Variants in ZNF385D observed in about 807,000 individuals in gnomAD.
ZNF385D encodes zinc finger protein 659.
Under a neutral mutation model 35.8 loss-of-function variants are expected in ZNF385D, and 15 were observed. The ratio of observed to expected loss-of-function variants is 0.42; its 90% CI spans 0.28 to 0.64. ZNF385D has a LOEUF of 0.64. Ranked by LOEUF, ZNF385D falls within the 30% of genes least tolerant of loss-of-function variation. The probability of loss-of-function intolerance (pLI) is 0.23; values close to 1 mark genes in which losing one functional copy is unlikely to be tolerated. For missense variants in ZNF385D, 474 were observed against 494.6 expected, an observed-to-expected ratio of 0.96 and a Z score of 0.39; for synonymous variants, 212 against 186.8, an observed-to-expected ratio of 1.13 and a Z score of -1.10.
intron 3 of ZNF385D, among the ~76,000 whole-genome samples, chr3:21,835,869 T>G (rs2673529): frequency 6.6e-6 from 1 of 151,990 alleles, no homozygotes. Context: ...TATTCCATAA[T>G]CCCTCATTTG....
intron 3 of ZNF385D, among the ~76,000 whole-genome samples, chr3:21,540,575 G>A (rs1004789115): frequency 6.6e-6 from 1 of 152,188 alleles, no homozygotes; most frequent in Non-Finnish European, 1.5e-5. Context: ...CCTGTTCAGA[G>A]ACTACCTTCT....
chr3:21,765,976 G>A (rs2070813754), intron 3 of ZNF385D, among the ~76,000 whole-genome samples: 1 of 152,050 alleles, frequency 6.6e-6, no homozygotes, highest in Non-Finnish European at 1.5e-5. Context: ...AAGAGCCATG[G>A]TCAAGTATTG....
chr3:22,047,351 G>C (rs1699065764), intron 3 of ZNF385D, among the ~76,000 whole-genome samples: 1 of 151,892 alleles, frequency 6.6e-6, no homozygotes, highest in Non-Finnish European at 1.5e-5. Context: ...TAGATCTCTT[G>C]TACTTACTCC....
intron 1 of ZNF385D, among the ~76,000 whole-genome samples, chr3:21,723,526 A>G (rs1469725504): frequency 6.6e-6 from 1 of 152,200 alleles, no homozygotes; most frequent in Non-Finnish European, 1.5e-5. Flanking sequence ...CAAATAGCCG[A>G]ATTTATCAAG....
chr3:22,153,467 T>C (rs1210430271), intron 3 of ZNF385D, among the ~76,000 whole-genome samples: 24 of 145,562 alleles, frequency 1.6e-4, no homozygotes, highest in South Asian at 2.2e-4. Context: ...AATTCTTCTT[T>C]TTTTTTTTTT....
chr3:21,958,651 T>G (rs941266003), intron 3 of ZNF385D, among the ~76,000 whole-genome samples: 1 of 152,140 alleles, frequency 6.6e-6, no homozygotes, highest in Non-Finnish European at 1.5e-5. Flanking sequence ...CTAGATTCTA[T>G]CGCCAAATTC....
chr3:21,512,590 T>C (rs1274542105), intron 3 of ZNF385D, among the ~76,000 whole-genome samples: 1 of 152,178 alleles, frequency 6.6e-6, no homozygotes, highest in Non-Finnish European at 1.5e-5. Flanking sequence ...AAATTATATA[T>C]TAGAAACAGT....
At chr3:22,063,318 G>C (rs918422762) in intron 3 of ZNF385D, among the ~76,000 whole-genome samples, 6 of 151,952 alleles carry the variant, frequency 3.9e-5, no homozygotes, top group Admixed American at 6.6e-5. Context: ...TTTCATCAAT[G>C]AGAAACCAAC....
chr3:21,496,000 A>G (rs1705812109), intron 4 of ZNF385D, among the ~76,000 whole-genome samples: 1 of 152,052 alleles, frequency 6.6e-6, no homozygotes, highest in Admixed American at 6.6e-5. Flanking sequence ...TGAACAAGGA[A>G]GAAATTGAAT....
intron 2 of ZNF385D, among the ~76,000 whole-genome samples, chr3:22,221,129 GTGTT>G (rs1698230521): frequency 6.6e-6 from 1 of 151,960 alleles, no homozygotes; most frequent in African/African-American, 2.4e-5. Flanking sequence ...GAGTGTGTGT[GTGTT>G]TGTGTATCTA....
intron 2 of ZNF385D, among the ~76,000 whole-genome samples, chr3:22,295,477 A>AAT (rs11389948): frequency 6.6e-6 from 1 of 151,930 alleles, no homozygotes; most frequent in Non-Finnish European, 1.5e-5. Flanking sequence ...GAATAAAAAA[A>AAT]GTTTGCAAAG....
At chr3:22,237,863 C>T (rs920926075) in intron 2 of ZNF385D, among the ~76,000 whole-genome samples, 3 of 143,430 alleles carry the variant, frequency 2.1e-5, no homozygotes, top group Middle Eastern at 3.9e-3. Context: ...ATGATGGTCT[C>T]GATCTCCTGA....
chr3:22,127,195 T>G (rs1703482483), intron 3 of ZNF385D, among the ~76,000 whole-genome samples: 1 of 152,114 alleles, frequency 6.6e-6, no homozygotes, highest in African/African-American at 2.4e-5. Context: ...AACTAAGGAC[T>G]TACTCCTGAC....
intron 3 of ZNF385D, among the ~76,000 whole-genome samples, chr3:21,558,330 G>C (rs2062815367): frequency 6.9e-6 from 1 of 145,712 alleles, no homozygotes; most frequent in African/African-American, 2.4e-5. Context: ...CTTTAAGTGT[G>C]TCCCAGAGAT....
At chr3:22,299,878 G>A (rs1047690969) in intron 2 of ZNF385D, among the ~76,000 whole-genome samples, 1 of 151,794 alleles carries the variant, frequency 6.6e-6, no homozygotes, top group African/African-American at 2.4e-5. Flanking sequence ...TTGCTAAAAT[G>A]TTCATATACC....
chr3:22,243,872 T>C lies in ZNF385D; in HGVS notation c.107-74837A>G, dbSNP rs202056821. 9.9e-5 allele frequency among the ~76,000 whole-genome samples: 15 copies of C among 150,832 alleles called. 1 individual carries two copies. Among genetic ancestry groups the C allele is most frequent in the Admixed American group, 5.9e-4 (9 of 15,154 alleles). On this transcript the variant is annotated intron_variant, in intron 2 of 5. Coordinates refer to the ZNF385D transcript ENST00000494108. ...GCACTCCATCCAAAGTGGTATTCAATTGACAGCTGGAAATATGGCCCTTAA... is the reference window on the plus strand; with the variant it reads ...GCACTCCATCCAAAGTGGTATTCAACTGACAGCTGGAAATATGGCCCTTAA...
intron 2 of ZNF385D, among the ~76,000 whole-genome samples, chr3:21,626,622 G>T (rs1178299983): frequency 6.6e-6 from 1 of 152,072 alleles, no homozygotes; most frequent in Non-Finnish European, 1.5e-5. Context: ...CTTGGCTACT[G>T]CAGTTCATTT....
intron 4 of ZNF385D, among the ~76,000 whole-genome samples, chr3:21,506,961 T>TCAGA (rs1706811808): frequency 1.5e-5 from 1 of 64,988 alleles, no homozygotes; most frequent in Non-Finnish European, 3.0e-5. Flanking sequence ...ACTGGCATAA[T>TCAGA]TAGAGAAAAA....
In ZNF385D at chr3:21,583,032, C is replaced by G. The variant is rs529202634; in HGVS notation, c.166-18348G>C. 2.0e-4 allele frequency among the ~76,000 whole-genome samples: 30 copies of G among 152,256 alleles called. No homozygotes were observed. The East Asian group carries it at 5.8e-3, about 29-fold the overall frequency. ...CTGCCCTCCTCGGCCTCCCAAAGTG[C>G]TGGGATTACAGGCATGAGCCACTGC... On this transcript the variant is annotated intron_variant, in intron 2 of 7. Coordinates refer to ENST00000281523, the MANE Select transcript of ZNF385D (RefSeq NM_024697.3).
Sources: allele counts gnomAD v4.1 joint callset (sites outside exome capture counted in the v4.1 genomes callset), GRCh38; gene constraint gnomAD v4.1.1; transcripts MANE v1.5; gene names NCBI Gene and HGNC (gene_info 2026-07-23, HGNC 2026-07-21).